Variants in OTUD7A observed in about 807,000 individuals in gnomAD.
OTUD7A encodes the protein OTU deubiquitinase 7A.
In OTUD7A, 12 loss-of-function variants were observed where a neutral mutation model predicts 65.7. That is an observed-to-expected ratio of 0.18 (90% CI 0.12 to 0.30). OTUD7A has a LOEUF of 0.30. Among genes scored for constraint, OTUD7A ranks in the 10% least tolerant of loss-of-function variants. The pLI, the probability that OTUD7A is intolerant of heterozygous loss-of-function variation, is 1.00. For missense variants in OTUD7A, 1,148 were observed against 1,304.8 expected (o/e 0.88, Z 1.85); for synonymous variants, 641 against 586.3 (o/e 1.09, Z -1.35).
chr15:31,603,812 A>G (rs1890154905), intron 3 of OTUD7A, among the ~76,000 whole-genome samples: 1 of 152,250 alleles, frequency 6.6e-6, no homozygotes, highest in South Asian at 2.1e-4. Flanking sequence ...TCAAAAGAAG[A>G]CATTTATGTG....
intron 3 of OTUD7A, among the ~76,000 whole-genome samples, chr15:31,628,657 G>C (rs1429833393): frequency 6.6e-6 from 1 of 152,196 alleles, no homozygotes; most frequent in East Asian, 1.9e-4. Context: ...GATGGGGATG[G>C]CATTGAATCT....
intron 3 of OTUD7A, among the ~76,000 whole-genome samples, chr15:31,634,123 G>A (rs1393527140): frequency 6.6e-6 from 1 of 152,150 alleles, no homozygotes. Flanking sequence ...CTGGGCACAG[G>A]TCAGACACAG....
intron 3 of OTUD7A, among the ~76,000 whole-genome samples, chr15:31,615,894 A>T (rs1484840948): frequency 6.6e-6 from 1 of 152,222 alleles, no homozygotes. Flanking sequence ...CTTCTGGCAC[A>T]GGGGCAGATG....
At chr15:31,837,344 T>A (rs1897078095) in intron 1 of OTUD7A, among the ~76,000 whole-genome samples, 1 of 139,666 alleles carries the variant, frequency 7.2e-6, no homozygotes, top group African/African-American at 2.8e-5. Flanking sequence ...CTGGCCAACA[T>A]GGTGAAACCC....
At chr15:31,757,389 C>A (rs940157787) in intron 1 of OTUD7A, among the ~76,000 whole-genome samples, 2 of 150,642 alleles carry the variant, frequency 1.3e-5, no homozygotes, top group Non-Finnish European at 3.0e-5. Flanking sequence ...ATAAAGGGTT[C>A]TTGGCACAGA....
intron 4 of OTUD7A, among the ~76,000 whole-genome samples, chr15:31,566,613 A>T (rs1888882676): frequency 6.6e-6 from 1 of 152,206 alleles, no homozygotes; most frequent in Non-Finnish European, 1.5e-5. Flanking sequence ...CTCAAGTTGA[A>T]ATGTGATCCC....
chr15:31,554,974 T>G (rs1320935477), intron 5 of OTUD7A, among the ~76,000 whole-genome samples: 1 of 152,204 alleles, frequency 6.6e-6, no homozygotes, highest in Non-Finnish European at 1.5e-5. Context: ...TTTCCAGGGT[T>G]TGAAGACTTG....
At chr15:31,860,697 A>ATATATATATATATATATATATG (rs1417556267) in intron 1 of OTUD7A, among the ~76,000 whole-genome samples, 20 of 129,748 alleles carry the variant, frequency 1.5e-4, no homozygotes, top group East Asian at 1.4e-3. Context: ...ATATATATAT[A>ATATATATATATATATATATATG]TATGTATGTA....
intron 1 of OTUD7A, among the ~76,000 whole-genome samples, chr15:31,665,528 C>T (rs1295325833): frequency 6.6e-6 from 1 of 152,184 alleles, no homozygotes; most frequent in African/African-American, 2.4e-5. Context: ...AGAAACTTTG[C>T]TGAATTCTTT....
intron 3 of OTUD7A, among the ~76,000 whole-genome samples, chr15:31,636,090 C>T (rs919582806): frequency 6.6e-5 from 10 of 152,230 alleles, no homozygotes; most frequent in East Asian, 5.8e-4. Context: ...GAAGCTGACA[C>T]GTGTCCATAC....
At chr15:31,558,852 C>T (rs1277601764) in intron 5 of OTUD7A, 117 bp downstream of exon 5, 5 of 1,173,282 alleles carry the variant, frequency 4.3e-6, no homozygotes, top group Non-Finnish European at 6.1e-6. Context: ...AGAATCCTAA[C>T]TGAAAACTGC....
At chr15:31,523,755 G>A (rs895783554) in intron 8 of OTUD7A, among the ~76,000 whole-genome samples, 4 of 152,240 alleles carry the variant, frequency 2.6e-5, no homozygotes, top group African/African-American at 9.6e-5. Context: ...CCCCAGAGAT[G>A]ATGCCCTACA....
In OTUD7A at chr15:31,484,372, C is replaced by T. The variant is rs776292350; in HGVS notation, c.1724G>A (p.Arg575His). ...ERGKEKKAKS[R>H]KGSKEESGAS... The stretch of plus-strand genomic sequence containing the variant: ...ACCAGACTCCTCCTTGCTGCCCTTG[C>T]GCGACTTGGCCTTCTTCTCCTTGCC... The change falls in exon 13 of 13, where the codon CGC (arginine) becomes CAC (histidine). Residue 575 changes from arginine (R) to histidine (H), a missense_variant. Physicochemically the swap from Arg to His is conservative, Grantham distance 29 (BLOSUM62 0). Around this residue, in one of 6 missense-constraint regions of OTUD7A, gnomAD observed 842 missense variants for 769.5 expected, o/e 1.09. Coordinates refer to ENST00000307050, the MANE Select transcript of OTUD7A (RefSeq NM_001382637.1). The surrounding 1 kb of genome is among the most constrained non-coding windows in gnomAD (Gnocchi z 4.5). 6.2e-6 allele frequency: 10 copies of T among 1,601,140 alleles called. No individual in the cohort carries two copies. Among genetic ancestry groups the T allele is most frequent in the Non-Finnish European group, 8.5e-6 (10 of 1,179,658 alleles).
chr15:31,766,120 A>G (rs1895087946), intron 1 of OTUD7A: 5 of 1,440,616 alleles, frequency 3.5e-6, no homozygotes, highest in South Asian at 1.1e-5. Flanking sequence ...GTCTGCAAGT[A>G]AGAGGGTACT....
chr15:31,796,363 A>C (rs1276606787), intron 1 of OTUD7A, among the ~76,000 whole-genome samples: 5 of 152,220 alleles, frequency 3.3e-5, no homozygotes. Context: ...ATGATACTGC[A>C]GCTGGAGTCT....
chr15:31,746,507 A>AT (rs33918687), intron 1 of OTUD7A, among the ~76,000 whole-genome samples: 25,755 of 143,302 alleles, frequency 0.18, 2,347 homozygotes, highest in East Asian at 0.23. Context: ...GTTTTTACAT[A>AT]TTTTTTTTTT....
In OTUD7A at chr15:31,854,815, GA is replaced by G. The variant is rs879800438; in HGVS notation, c.-100+15691del. Among the ~76,000 whole-genome samples the G allele has an allele frequency of 4.8e-3, 599 of 124,328 alleles. 3 individuals are homozygous for G. Among genetic ancestry groups the G allele is most frequent in the South Asian group, 0.021 (79 of 3,804 alleles). 81.6% of individuals were successfully genotyped at this position (124,328 alleles called of 152,430 possible). A position where few individuals can be genotyped will look rare whatever the true frequency, so the allele number is the denominator to read the frequency against. ...CTGCCTACCACACTTTCCTAAAAAG[GA>G]AAAAAAAAAACAACAACAACAAAGA... On this transcript the variant is annotated intron_variant, in intron 1 of 12. Coordinates refer to ENST00000307050, the MANE Select transcript of OTUD7A (RefSeq NM_001382637.1).
At chr15:31,683,365 T>A (rs1017278900) in intron 1 of OTUD7A, among the ~76,000 whole-genome samples, 1 of 152,210 alleles carries the variant, frequency 6.6e-6, no homozygotes, top group African/African-American at 2.4e-5. Flanking sequence ...CCCTGTCAAC[T>A]TTATGACCTA....
chr15:31,639,245 A>C (rs1408559808), intron 3 of OTUD7A, among the ~76,000 whole-genome samples: 2 of 152,120 alleles, frequency 1.3e-5, no homozygotes, highest in Non-Finnish European at 2.9e-5. Flanking sequence ...ACTTTACATA[A>C]GTGGAATTGC....
Sources: gnomAD v4.1 joint callset for allele counts (sites outside exome capture counted in the v4.1 genomes callset) on GRCh38, gnomAD v4.1.1 for gene constraint, gnomAD v4.1.1 regional missense constraint, Gnocchi (gnomAD v3.1) non-coding constraint, MANE v1.5 for transcripts, NCBI Gene and HGNC (gene_info 2026-07-23, HGNC 2026-07-21) for gene names.